The following CXADR variants were observed in gnomAD, a reference collection of about 807,000 sequenced individuals.
CXADR encodes the protein coxsackievirus and adenovirus receptor.
Under a neutral mutation model 40.3 loss-of-function variants are expected in CXADR, and 20 were observed. The ratio of observed to expected loss-of-function variants is 0.50; its 90% CI spans 0.35 to 0.72. CXADR has a LOEUF of 0.72. Ranked by LOEUF, CXADR falls within the 30% of genes least tolerant of loss-of-function variation. The probability of loss-of-function intolerance (pLI) is 0.01; values close to 1 mark genes in which losing one functional copy is unlikely to be tolerated. For missense variants in CXADR, 332 were observed against 449.1 expected (o/e 0.74, Z 2.36); for synonymous variants, 150 against 161.3 (o/e 0.93, Z 0.53).
intron 7 of CXADR, among the ~76,000 whole-genome samples, chr21:17,592,317 G>C (rs1397512605): frequency 6.6e-6 from 1 of 151,790 alleles, no homozygotes; most frequent in Non-Finnish European, 1.5e-5. Flanking sequence ...ATATAAAATG[G>C]CTTCGTATTT....
At chr21:17,517,880 G>A (rs1569068343) in intron 1 of CXADR, among the ~76,000 whole-genome samples, 1 of 152,176 alleles carries the variant, frequency 6.6e-6, no homozygotes. Context: ...AGTAAAAGAA[G>A]TTCTTCTGGG....
chr21:17,570,807 G>A (rs140619407), downstream of CXADR, among the ~76,000 whole-genome samples: 23 of 152,280 alleles, frequency 1.5e-4, no homozygotes, highest in Non-Finnish European at 2.9e-4. Flanking sequence ...TGTAAATGTT[G>A]ATTTCAGGAA....
At chr21:17,610,837 C>T in the CXADR span, among the ~76,000 whole-genome samples, 1 of 152,238 alleles carries the variant, frequency 6.6e-6, no homozygotes, top group African/African-American at 2.4e-5. Flanking sequence ...GCTTTCTTTT[C>T]TCAAACTGCT....
intron 7 of CXADR, among the ~76,000 whole-genome samples, chr21:17,581,427 A>C (rs867640885): frequency 1.3e-5 from 2 of 152,192 alleles, no homozygotes; most frequent in African/African-American, 4.8e-5. Context: ...ATCCCCTGAA[A>C]ATCTTCACCA....
At chr21:17,635,175 T>TTGA in the CXADR span, among the ~76,000 whole-genome samples, 1 of 152,160 alleles carries the variant, frequency 6.6e-6, no homozygotes, top group Non-Finnish European at 1.5e-5. Flanking sequence ...ATATCAAGGT[T>TTGA]AAGACCTAGA....
intron 3 of CXADR, among the ~76,000 whole-genome samples, chr21:17,558,070 C>T (rs551578698): frequency 1.9e-5 from 2 of 105,708 alleles, no homozygotes; most frequent in Non-Finnish European, 4.0e-5. Flanking sequence ...TGGAATATAA[C>T]CTCAGATTTC....
At chr21:17,599,771 C>T in the CXADR span, among the ~76,000 whole-genome samples, 42 of 152,274 alleles carry the variant, frequency 2.8e-4, no homozygotes, top group South Asian at 7.9e-3. Context: ...TGAGCCATCA[C>T]GCCCAGCCCC....
intron 1 of CXADR, among the ~76,000 whole-genome samples, chr21:17,535,461 A>G (rs1004046910): frequency 6.6e-5 from 10 of 151,998 alleles, no homozygotes; most frequent in African/African-American, 2.4e-4. Context: ...GCGCCTCCGA[A>G]AGTGCTGGGA....
chr21:17,513,290 T>C, intron 1 of CXADR, 118 bp downstream of exon 1: 1 of 994,406 alleles, frequency 1.0e-6, no homozygotes. Context: ...GGGGCGCTGC[T>C]GCAGGGGCGG....
At chr21:17,544,800 CTT>C (rs2060873583) in intron 1 of CXADR, among the ~76,000 whole-genome samples, 1 of 152,116 alleles carries the variant, frequency 6.6e-6, no homozygotes, top group Non-Finnish European at 1.5e-5. Flanking sequence ...TGATTGAAAG[CTT>C]ACGATGGTGC....
At chr21:17,528,156 C>T (rs990887556) in intron 1 of CXADR, among the ~76,000 whole-genome samples, 1 of 145,218 alleles carries the variant, frequency 6.9e-6, no homozygotes, top group Non-Finnish European at 1.5e-5. Context: ...TCACTGCAAG[C>T]TCTGCCTCCT....
intron 1 of CXADR, among the ~76,000 whole-genome samples, chr21:17,519,378 A>G (rs573726797): frequency 5.9e-5 from 9 of 151,764 alleles, no homozygotes; most frequent in African/African-American, 2.2e-4. Context: ...TCAGTTCATC[A>G]CTCTCTCCCT....
the CXADR span, among the ~76,000 whole-genome samples, chr21:17,632,586 G>C: frequency 3.3e-5 from 5 of 152,212 alleles, no homozygotes; most frequent in Non-Finnish European, 7.3e-5. Flanking sequence ...ACTGAAGAGA[G>C]GCCGGGCGTG....
At chr21:17,528,264 C>T (rs1475851074) in intron 1 of CXADR, among the ~76,000 whole-genome samples, 1 of 151,446 alleles carries the variant, frequency 6.6e-6, no homozygotes, top group Non-Finnish European at 1.5e-5. Context: ...TTAGTAAAGA[C>T]GGGGTTTCAC....
chr21:17,587,394 G>A lies in CXADR; in HGVS notation c.1018-5758G>A, dbSNP rs567388014. On this transcript the variant is annotated intron_variant, in intron 7 of 7. Coordinates refer to the CXADR transcript ENST00000400169. ...TTCCTATTTCTCCACATCCTCTCCA[G>A]CACCTGTTGTTTCCTGACTTTTTAA... Among the ~76,000 whole-genome samples, 48 of 152,242 alleles carry A rather than the reference G, an allele frequency of 3.2e-4. 1 individual carries two copies. The East Asian group carries it at 9.1e-3, about 29-fold the overall frequency.
At chr21:17,618,023 G>A in the CXADR span, among the ~76,000 whole-genome samples, 3 of 152,066 alleles carry the variant, frequency 2.0e-5, no homozygotes, top group African/African-American at 4.8e-5. Flanking sequence ...AACAATGTTC[G>A]TAGCATCTTC....
At chr21:17,608,948 G>A in the CXADR span, 3 of 1,605,344 alleles carry the variant, frequency 1.9e-6, no homozygotes, top group Non-Finnish European at 1.7e-6. Flanking sequence ...ATCAGCCTCT[G>A]CTTAATCCAA....
chr21:17,555,166 T>C (rs2061018500), intron 3 of CXADR, among the ~76,000 whole-genome samples: 1 of 152,218 alleles, frequency 6.6e-6, no homozygotes, highest in African/African-American at 2.4e-5. Flanking sequence ...TGGAAGGGCC[T>C]GTTTATTGAA....
intron 1 of CXADR, among the ~76,000 whole-genome samples, chr21:17,537,434 G>A (rs969432044): frequency 6.6e-6 from 1 of 152,190 alleles, no homozygotes; most frequent in African/African-American, 2.4e-5. Context: ...ATCCAGACTT[G>A]CCTGATTGCT....
Sources: gnomAD v4.1 joint callset for allele counts (sites outside exome capture counted in the v4.1 genomes callset) on GRCh38, gnomAD v4.1.1 for gene constraint, MANE v1.5 for transcripts, NCBI Gene and HGNC (gene_info 2026-07-23, HGNC 2026-07-21) for gene names.